The following FGL1 variants were observed in gnomAD, a reference collection of about 807,000 sequenced individuals.
FGL1 encodes fibrinogen-like protein 1.
A neutral mutation model predicts 43.7 loss-of-function variants in FGL1; 59 were observed. That is an observed-to-expected ratio of 1.35 (90% CI 1.10 to 1.68). FGL1 has a LOEUF of 1.68. Among genes scored for constraint, FGL1 ranks in the 40% most tolerant of loss-of-function variants. The pLI is 0.00. For missense variants in FGL1, 596 were observed against 373.0 expected, an observed-to-expected ratio of 1.60 and a Z score of -4.92; for synonymous variants, 192 against 126.5, an observed-to-expected ratio of 1.52 and a Z score of -3.48.
At chr8:17,883,523 T>C (rs1291619141) in intron 2 of FGL1, among the ~76,000 whole-genome samples, 1 of 135,040 alleles carries the variant, frequency 7.4e-6, no homozygotes, top group Non-Finnish European at 1.5e-5. Context: ...TATAATGTAA[T>C]ATAATTGTAT....
intron 1 of FGL1, among the ~76,000 whole-genome samples, chr8:17,890,592 A>G (rs1009875016): frequency 3.9e-5 from 6 of 152,164 alleles, no homozygotes; most frequent in Admixed American, 6.5e-5. Flanking sequence ...CACATATAAA[A>G]TAACAGCTGT....
rs200667844 is a variant in FGL1, at chr8:17,888,019, T to C, written c.-17-2448A>G. The stretch of plus-strand genomic sequence containing the variant: ...TATGTACCTATCTTAGGCCCAGTGA[T>C]AGAAATAGTAGTCTTAGGCCCAGTG... On this transcript the variant is annotated intron_variant, in intron 1 of 7. Coordinates refer to ENST00000427924, the MANE Select transcript of FGL1 (RefSeq NM_004467.4). Among the ~76,000 whole-genome samples the C allele has an allele frequency of 2.2e-4, 34 of 152,190 alleles. 1 individual carries two copies. The East Asian group carries it at 4.6e-3, about 21-fold the overall frequency.
intron 3 of FGL1, among the ~76,000 whole-genome samples, chr8:17,876,276 C>A (rs1050859914): frequency 6.6e-6 from 1 of 151,768 alleles, no homozygotes; most frequent in Admixed American, 6.6e-5. Flanking sequence ...TACTAGATTG[C>A]CAAATTTACA....
chr8:17,881,833 CAA>C (rs796756857), intron 3 of FGL1, among the ~76,000 whole-genome samples, 164 bp downstream of exon 3: 32 of 103,302 alleles, frequency 3.1e-4, no homozygotes, highest in South Asian at 3.3e-4. Context: ...GACTCCGCCT[CAA>C]AAAAAAAAAA....
chr8:17,889,592 G>T, intron 1 of FGL1, among the ~76,000 whole-genome samples: 1 of 152,076 alleles, frequency 6.6e-6, no homozygotes, highest in Non-Finnish European at 1.5e-5. Flanking sequence ...ATTTTAATTG[G>T]CCATTTTATT....
intron 1 of FGL1, 90 bp downstream of exon 1, chr8:17,895,357 G>C (rs1311796750): frequency 2.5e-6 from 3 of 1,221,216 alleles, no homozygotes; most frequent in Non-Finnish European, 3.2e-6. Flanking sequence ...GCTAATGGTT[G>C]TTACCTGAGT....
intron 2 of FGL1, among the ~76,000 whole-genome samples, chr8:17,883,345 A>G (rs1351888331): frequency 1.9e-5 from 2 of 107,114 alleles, no homozygotes; most frequent in African/African-American, 7.8e-5. Flanking sequence ...TAAATAATAT[A>G]TAATATAATA....
At position 17,864,688 on chromosome 8, in the gene FGL1, A is replaced by G. The variant is rs775840703; in HGVS notation, c.843T>C (p.Asn281=). 11 of 1,613,396 alleles carry G rather than the reference A, an allele frequency of 6.8e-6. No homozygotes were observed. The highest frequency in any genetic ancestry group is 4.5e-5 in the East Asian group (2 of 44,852). The change falls in exon 8 of 8, where the codon AAT becomes AAC. Residue 281 remains asparagine, a synonymous_variant. Transcript: ENST00000427924. ...CATGCCAGGTGTACCAGACAATCCC[A>G]TTGTCTGTTTTAGCCGTGTAGGGGC... ...YSGPYTAKTD[N]GIVWYTWHGW...
intron 1 of FGL1, 97 bp from the exon 2 acceptor site, chr8:17,885,668 C>G: frequency 1.1e-6 from 1 of 920,274 alleles, no homozygotes; most frequent in Non-Finnish European, 1.7e-6. Flanking sequence ...CGGATGCAGC[C>G]GCAGGCCATC....
chr8:17,871,937 A>G (rs1429537491), intron 5 of FGL1, among the ~76,000 whole-genome samples: 2 of 152,192 alleles, frequency 1.3e-5, no homozygotes, highest in East Asian at 3.8e-4. Flanking sequence ...ATATATTTAG[A>G]AAGAGCCAAG....
At position 17,885,557 on chromosome 8, in the gene FGL1, T is replaced by C. The variant is rs763096688; in HGVS notation, c.-3A>G. ...ATGAAACTGAACACCTTTGCCATGT[T>C]CCCCCTTGAAAAAACTGCAAGAACA... On this transcript the variant is annotated 5_prime_UTR_variant, in exon 2 of 8. Coordinates refer to ENST00000427924, the MANE Select transcript of FGL1 (RefSeq NM_004467.4). 1.2e-6 allele frequency: 2 copies of C among 1,613,040 alleles called. No individual in the cohort carries two copies. Among genetic ancestry groups the C allele is most frequent in the Admixed American group, 3.3e-5 (2 of 59,890 alleles).
At chr8:17,890,912 C>G (rs2053695202) in intron 1 of FGL1, among the ~76,000 whole-genome samples, 1 of 152,038 alleles carries the variant, frequency 6.6e-6, no homozygotes, top group Admixed American at 6.6e-5. Flanking sequence ...TGGGTCCATC[C>G]CATAACATGT....
intron 7 of FGL1, among the ~76,000 whole-genome samples, chr8:17,867,634 A>G (rs560260365): frequency 3.9e-5 from 6 of 152,346 alleles, no homozygotes; most frequent in Admixed American, 3.3e-4. Context: ...TGAAACTCCA[A>G]CACTGGATCT....
intron 5 of FGL1, among the ~76,000 whole-genome samples, chr8:17,871,202 T>C (rs1042793658): frequency 2.0e-5 from 3 of 152,090 alleles, no homozygotes; most frequent in Non-Finnish European, 4.4e-5. Flanking sequence ...TTAAAAATAT[T>C]CTATTACAGA....
At chr8:17,881,138 A>T (rs944288573) in intron 3 of FGL1, among the ~76,000 whole-genome samples, 1 of 142,962 alleles carries the variant, frequency 7.0e-6, no homozygotes, top group African/African-American at 2.7e-5. Flanking sequence ...GTGTACACGG[A>T]TTTTTTTTTT....
chr8:17,877,705 A>G (rs1279863640), intron 3 of FGL1, among the ~76,000 whole-genome samples: 1 of 152,150 alleles, frequency 6.6e-6, no homozygotes, highest in East Asian at 1.9e-4. Flanking sequence ...CATGCAATGC[A>G]TAATAATCAC....
intron 1 of FGL1, among the ~76,000 whole-genome samples, chr8:17,892,171 C>T (rs900751575): frequency 6.6e-6 from 1 of 151,938 alleles, no homozygotes; most frequent in African/African-American, 2.4e-5. Context: ...TATCACAAAA[C>T]TCAAGTAGCA....
At chr8:17,869,143 T>C in intron 5 of FGL1, 139 bp from the exon 6 acceptor site, 1 of 556,004 alleles carries the variant, frequency 1.8e-6, no homozygotes, top group Non-Finnish European at 3.2e-6. Context: ...GATTAAACAG[T>C]GACTCCTTTG....
chr8:17,881,666 T>G (rs2053537827), intron 3 of FGL1, among the ~76,000 whole-genome samples: 1 of 150,974 alleles, frequency 6.6e-6, no homozygotes, highest in Non-Finnish European at 1.5e-5. Flanking sequence ...ACCCTGCCTC[T>G]ACTAAAAATA....
Sources: allele counts gnomAD v4.1 joint callset (sites outside exome capture counted in the v4.1 genomes callset), GRCh38; gene constraint gnomAD v4.1.1; transcripts MANE v1.5; gene names NCBI Gene and HGNC (gene_info 2026-07-23, HGNC 2026-07-21).